Variants in UMODL1 observed in about 807,000 individuals in gnomAD.
The protein encoded by UMODL1 is uromodulin like 1, also known as uromodulin-like 1.
UMODL1 carries 128 observed loss-of-function variants against 136.3 expected under a neutral mutation model. The observed-to-expected ratio is 0.94, with a 90% CI of 0.81 to 1.09. The LOEUF is 1.09. UMODL1 is among the 50% of genes least tolerant of loss of function. UMODL1 has a pLI of 0.00. For synonymous variants in UMODL1, 721 were observed against 720.0 expected (o/e 1.00, Z -0.02); for missense variants, 1,766 against 1,725.6 (o/e 1.02, Z -0.41).
intron 2 of UMODL1, among the ~76,000 whole-genome samples, chr21:42,078,895 A>G (rs1170723076): frequency 6.6e-6 from 1 of 152,062 alleles, no homozygotes; most frequent in African/African-American, 2.4e-5. Context: ...CCCCATTTCC[A>G]CTTTCTTCGA....
chr21:42,086,678 A>C (rs2066430383), intron 4 of UMODL1: 1 of 453,724 alleles, frequency 2.2e-6, no homozygotes. Context: ...TTAAACATAA[A>C]TAATCGGCCA....
rs768119746 is a variant in UMODL1, at chr21:42,129,718, C to T, written c.3696C>T (p.Cys1232=). The stretch of plus-strand genomic sequence containing the variant: ...TCTTGGAAAAAAAAAAACAGAATTG[C>T]AATAACTTTCGGTTGCTGCAAAATA... ...ESPGATCKIN[C]NNFRLLQNSE... The change falls in exon 21 of 23, where the codon TGC becomes TGT. Residue 1232 remains cysteine (C), a synonymous_variant. Transcript: ENST00000408910. The T allele has an allele frequency of 5.1e-6, 8 of 1,572,426 alleles. No individual in the cohort carries two copies. In the South Asian group the frequency reaches 6.1e-5, roughly 12 times the overall value.
At chr21:42,140,708 T>C (rs534452126) in intron 22 of UMODL1, among the ~76,000 whole-genome samples, 53 of 152,158 alleles carry the variant, frequency 3.5e-4, no homozygotes, top group African/African-American at 1.2e-3. Flanking sequence ...GCAACTGTTG[T>C]GGTTACAGGG....
rs2067068811 is a variant in UMODL1, at chr21:42,127,166, G to T, written c.3454G>T (p.Val1152Leu). 6.2e-6 allele frequency: 10 copies of T among 1,614,162 alleles called. No homozygotes were observed. The highest frequency in any genetic ancestry group is 8.5e-6 in the Non-Finnish European group (10 of 1,180,036). Reference protein sequence around the residue: ...GLYRQKSNLKVVLTECWATPS... With the variant: ...GLYRQKSNLKLVLTECWATPS... ...CTACAGGCAGAAAAGCAACCTCAAG[G>T]TGGTCCTGACGGAGTGCTGGGCAAC... is the stretch of plus-strand genomic sequence containing the variant. Residue 1152 changes from valine to leucine, a missense_variant, in exon 19 of 23, where the codon GTG (valine) becomes TTG (leucine). Val to Leu is a conservative substitution (Grantham distance 32). Transcript: ENST00000408910.
chr21:42,069,588 T>C (rs1239532837), upstream of UMODL1, among the ~76,000 whole-genome samples: 1 of 152,188 alleles, frequency 6.6e-6, no homozygotes, highest in Non-Finnish European at 1.5e-5. Context: ...GTGTGGCCTT[T>C]CTGAACCTGT....
At chr21:42,105,824 T>C (rs1282988967) in intron 9 of UMODL1, among the ~76,000 whole-genome samples, 1 of 152,108 alleles carries the variant, frequency 6.6e-6, no homozygotes, top group Non-Finnish European at 1.5e-5. Flanking sequence ...CTGTGCTGTT[T>C]CAGGCCCCCC....
chr21:42,085,874 G>C lies in UMODL1; in HGVS notation c.603+462G>C, dbSNP rs2066421011. Among the ~76,000 whole-genome samples, 1 of 152,150 alleles carries C rather than the reference G, an allele frequency of 6.6e-6. No homozygotes were observed. The highest frequency in any genetic ancestry group is 1.5e-5 in the Non-Finnish European group (1 of 68,024). ...CTGGAGAGCACCCTGGGGTCTGATG[G>C]TTAGCAGCGCCCCTGGCCTCTCCAC... On this transcript the variant is annotated intron_variant, in intron 4 of 22. Coordinates refer to ENST00000408910, the MANE Select transcript of UMODL1 (RefSeq NM_001004416.3). The surrounding 1 kb of genome is among the most constrained non-coding windows in gnomAD (Gnocchi z 4.5).
chr21:42,075,243 G>GT (rs1555917881), intron 1 of UMODL1, among the ~76,000 whole-genome samples: 1 of 49,014 alleles, frequency 2.0e-5, no homozygotes, highest in Non-Finnish European at 4.5e-5. Flanking sequence ...GCTGGAGATG[G>GT]GGGGGGGGTT....
intron 22 of UMODL1, among the ~76,000 whole-genome samples, chr21:42,141,819 G>T (rs1044029577): frequency 6.6e-6 from 1 of 151,968 alleles, no homozygotes; most frequent in Admixed American, 6.5e-5. Context: ...AGCTGTGCTC[G>T]TCTGGCTCAG....
At chr21:42,102,396 C>T in intron 8 of UMODL1, 118 bp downstream of exon 8, 1 of 771,068 alleles carries the variant, frequency 1.3e-6, no homozygotes, top group Non-Finnish European at 2.1e-6. Context: ...ATACATGTTA[C>T]TGCAGCTTCA....
chr21:42,108,816 C>G (rs147190200), intron 9 of UMODL1, among the ~76,000 whole-genome samples: 2 of 91,462 alleles, frequency 2.2e-5, no homozygotes, highest in East Asian at 6.6e-4. Context: ...TGTGGAGACA[C>G]CCGGGTGCTC....
In UMODL1 at chr21:42,122,052, A is replaced by G. The variant is rs767165674; in HGVS notation, c.2828-779A>G. Among the ~76,000 whole-genome samples the G allele has an allele frequency of 3.3e-5, 5 of 152,188 alleles. 1 individual carries two copies. Among genetic ancestry groups the G allele is most frequent in the Admixed American group, 1.3e-4 (2 of 15,288 alleles). On this transcript the variant is annotated intron_variant, in intron 16 of 22. Coordinates refer to ENST00000408910, the MANE Select transcript of UMODL1 (RefSeq NM_001004416.3). The surrounding 1 kb of genome is among the most constrained non-coding windows in gnomAD (Gnocchi z 4.3). Reference sequence around the variant, plus strand: ...GGCAGCAGCCAACTGTGAAGTCCTCAGCAATGGTTTGGACTATGGCCCAGA... The same window carrying G: ...GGCAGCAGCCAACTGTGAAGTCCTCGGCAATGGTTTGGACTATGGCCCAGA...
rs1440188486 is a variant in UMODL1, at chr21:42,085,882, C to T, written c.603+470C>T. Among the ~76,000 whole-genome samples the T allele has an allele frequency of 2.0e-5, 3 of 152,154 alleles. No homozygotes were observed. The highest frequency in any genetic ancestry group is 3.9e-4 in the East Asian group (2 of 5,176). On this transcript the variant is annotated intron_variant, in intron 4 of 22. Coordinates refer to ENST00000408910, the MANE Select transcript of UMODL1 (RefSeq NM_001004416.3). The surrounding 1 kb of genome is among the most constrained non-coding windows in gnomAD (Gnocchi z 4.5). Reference sequence around the variant, plus strand: ...CACCCTGGGGTCTGATGGTTAGCAGCGCCCCTGGCCTCTCCACACAAGTCA... The same window carrying T: ...CACCCTGGGGTCTGATGGTTAGCAGTGCCCCTGGCCTCTCCACACAAGTCA...
At chr21:42,128,017 G>A (rs912892121) in intron 20 of UMODL1, 186 bp downstream of exon 20, 6 of 775,642 alleles carry the variant, frequency 7.7e-6, no homozygotes, top group Admixed American at 2.0e-5. Context: ...GCCCTTGGAC[G>A]GAGGACTCAT....
chr21:42,084,244 A>G lies in UMODL1; in HGVS notation c.480A>G (p.Gln160=), dbSNP rs1432698624. The G allele has an allele frequency of 1.2e-6, 2 of 1,611,090 alleles. No homozygotes were observed. The highest frequency in any genetic ancestry group is 1.7e-5 in the Admixed American group (1 of 59,782). Residue 160 remains glutamine (Q), a splice_region_variant and synonymous_variant, in exon 3 of 23, where the codon CAA becomes CAG. Transcript: ENST00000408910. The part of the protein sequence containing the change: ...GGRYCMAPAP[Q]APERDPVGSW... ...GCTACTGCATGGCCCCTGCACCCCA[A>G]GGTAGGCTGCTGCGGGCCATGCTTA...
intron 21 of UMODL1, among the ~76,000 whole-genome samples, chr21:42,131,892 TC>T (rs1458645754): frequency 6.6e-6 from 1 of 152,242 alleles, no homozygotes; most frequent in Non-Finnish European, 1.5e-5. Flanking sequence ...CCTATTTCTT[TC>T]ACCCTATAAG....
intron 22 of UMODL1, among the ~76,000 whole-genome samples, chr21:42,141,259 A>G (rs2012103): frequency 0.18 from 27,985 of 151,654 alleles, 2,640 homozygotes; most frequent in South Asian, 0.31. Context: ...CAGAGAAAAC[A>G]CCACCCGCCT....
At position 42,071,468 on chromosome 21, in the gene UMODL1, C is replaced by T. The variant is rs183139030; in HGVS notation, c.76+76C>T. 906 of 1,368,062 alleles carry T rather than the reference C, an allele frequency of 6.6e-4. 2 individuals are homozygous for T. The highest frequency in any genetic ancestry group is 3.3e-3 in the Middle Eastern group (16 of 4,922). 84.7% of individuals were successfully genotyped at this position (1,368,062 alleles called of 1,614,324 possible). Reference sequence around the variant, plus strand: ...GGCATGGGTCTCATGAGGACAGCCCCCTGTGGAGACCTGGGCAGGCAAGGA... The same window carrying T: ...GGCATGGGTCTCATGAGGACAGCCCTCTGTGGAGACCTGGGCAGGCAAGGA... On this transcript the variant is annotated intron_variant, in intron 1 of 22. Coordinates refer to ENST00000408910, the MANE Select transcript of UMODL1 (RefSeq NM_001004416.3).
At chr21:42,138,301 G>A (rs1053331074) in intron 22 of UMODL1, among the ~76,000 whole-genome samples, 11 of 152,170 alleles carry the variant, frequency 7.2e-5, no homozygotes, top group Admixed American at 2.6e-4. Context: ...GTCCTCGGCC[G>A]AGTGTCCCTG....
Sources: allele counts gnomAD v4.1 joint callset (sites outside exome capture counted in the v4.1 genomes callset), GRCh38; gene constraint gnomAD v4.1.1; non-coding constraint Gnocchi (gnomAD v3.1); transcripts MANE v1.5; gene names NCBI Gene and HGNC (gene_info 2026-07-23, HGNC 2026-07-21).